The following AIM2 variants were observed in gnomAD, a reference collection of about 807,000 sequenced individuals.
AIM2 encodes interferon-inducible protein AIM2.
AIM2 carries 30 observed loss-of-function variants against 27.7 expected under a neutral mutation model. The observed-to-expected ratio is 1.08, with a 90% confidence interval of 0.81 to 1.47. The LOEUF (loss-of-function observed/expected upper bound fraction) is 1.47. Among genes scored for constraint, AIM2 ranks in the 40% most tolerant of loss-of-function variants. The pLI, the probability that AIM2 is intolerant of heterozygous loss-of-function variation, is 0.00. For missense variants in AIM2, 358 were observed against 411.3 expected, an observed-to-expected ratio of 0.87 and a Z score of 1.12; for synonymous variants, 141 against 145.3, an observed-to-expected ratio of 0.97 and a Z score of 0.21.
intron 1 of AIM2, among the ~76,000 whole-genome samples, chr1:159,102,407 G>A (rs1451999783): frequency 6.6e-6 from 1 of 152,236 alleles, no homozygotes; most frequent in Non-Finnish European, 1.5e-5. Context: ...TATGAGATAG[G>A]AGCCCCCACA....
At chr1:159,120,758 T>C (rs1421550607) in intron 1 of AIM2, among the ~76,000 whole-genome samples, 1 of 152,174 alleles carries the variant, frequency 6.6e-6, no homozygotes, top group African/African-American at 2.4e-5. Flanking sequence ...AGGCTGGTTA[T>C]GGACATCCAG....
chr1:159,073,749 A>G (rs1257461483), intron 1 of AIM2, among the ~76,000 whole-genome samples: 1 of 152,132 alleles, frequency 6.6e-6, no homozygotes, highest in Non-Finnish European at 1.5e-5. Context: ...AAAACAAGAT[A>G]CATTAGCTGG....
chr1:159,073,551 C>G (rs1656464185), intron 1 of AIM2, 32 bp from the exon 2 acceptor site: 1 of 1,549,534 alleles, frequency 6.5e-7, no homozygotes, highest in Non-Finnish European at 8.8e-7. Context: ...TAAGATTACA[C>G]CACCAAAAGT....
intron 1 of AIM2, chr1:159,132,471 C>T (rs115251250): frequency 0.012 from 1,759 of 152,260 alleles, 20 homozygotes; most frequent in Non-Finnish European, 0.018. Context: ...TTGTGCAAGC[C>T]TCCCAGCAGG....
chr1:159,110,284 T>G (rs1657537661), intron 1 of AIM2, among the ~76,000 whole-genome samples: 1 of 152,228 alleles, frequency 6.6e-6, no homozygotes, highest in Non-Finnish European at 1.5e-5. Context: ...GAGACTATTA[T>G]TCTAAGTGAA....
chr1:159,145,587 G>A (rs1180846816), intron 1 of AIM2, among the ~76,000 whole-genome samples: 3 of 152,146 alleles, frequency 2.0e-5, no homozygotes, highest in African/African-American at 7.2e-5. Context: ...GTCTAGCCCA[G>A]TCAAACTGAG....
chr1:159,062,031 T>A (rs1430122994), downstream of AIM2, among the ~76,000 whole-genome samples: 3 of 152,320 alleles, frequency 2.0e-5, no homozygotes, highest in African/African-American at 4.8e-5. Context: ...TTCATTTTTT[T>A]AAGTATGGAT....
chr1:159,090,940 T>C (rs1022856846), intron 1 of AIM2, among the ~76,000 whole-genome samples: 1 of 152,188 alleles, frequency 6.6e-6, no homozygotes, highest in African/African-American at 2.4e-5. Flanking sequence ...CTCCCTTGTG[T>C]TCAGCACCAT....
chr1:159,121,444 T>C (rs1647531596), intron 1 of AIM2, among the ~76,000 whole-genome samples: 1 of 152,304 alleles, frequency 6.6e-6, no homozygotes, highest in East Asian at 1.9e-4. Flanking sequence ...AATTATAAGA[T>C]CTCAGAGACC....
At chr1:159,127,102 T>C (rs1182785133) in intron 1 of AIM2, among the ~76,000 whole-genome samples, 1 of 152,208 alleles carries the variant, frequency 6.6e-6, no homozygotes, top group African/African-American at 2.4e-5. Context: ...GGATGATTGG[T>C]TACCTACCCC....
chr1:159,056,837 C>T, the AIM2 span, among the ~76,000 whole-genome samples: 4 of 151,366 alleles, frequency 2.6e-5, no homozygotes, highest in African/African-American at 4.9e-5. Context: ...AAACTCTTCC[C>T]AGTTTGGAGG....
chr1:159,131,953 C>T (rs574846175), intron 1 of AIM2, among the ~76,000 whole-genome samples: 4 of 152,164 alleles, frequency 2.6e-5, no homozygotes, highest in Admixed American at 1.3e-4. Flanking sequence ...CGGGAAAGAA[C>T]GTATTTTAAT....
chr1:159,058,765 A>T (rs1050537998), downstream of AIM2, among the ~76,000 whole-genome samples: 1 of 152,152 alleles, frequency 6.6e-6, no homozygotes, highest in Non-Finnish European at 1.5e-5. Context: ...GGTCCTTATC[A>T]CATGGCCATG....
intron 1 of AIM2, among the ~76,000 whole-genome samples, chr1:159,131,448 G>A (rs1246669939): frequency 6.6e-6 from 1 of 152,092 alleles, no homozygotes; most frequent in Non-Finnish European, 1.5e-5. Flanking sequence ...ATTTATCTCT[G>A]AACTTTGTCA....
At chr1:159,065,853 C>A (rs1656065809) in intron 4 of AIM2, 57 bp downstream of exon 4, 1 of 1,494,404 alleles carries the variant, frequency 6.7e-7, no homozygotes, top group South Asian at 1.4e-5. Context: ...TCTTTAAGAT[C>A]AGATGGGAAA....
At chr1:159,112,068 G>C (rs1265467904) in intron 1 of AIM2, among the ~76,000 whole-genome samples, 1 of 151,808 alleles carries the variant, frequency 6.6e-6, no homozygotes, top group African/African-American at 2.4e-5. Flanking sequence ...TAAAAAACAA[G>C]ATGGTAACAC....
upstream of AIM2, chr1:159,081,451 T>G: frequency 2.1e-6 from 1 of 478,116 alleles, no homozygotes; most frequent in Admixed American, 2.3e-5. Flanking sequence ...CTGTAGGACC[T>G]CAGTCGTCAC....
intron 4 of AIM2, among the ~76,000 whole-genome samples, chr1:159,064,360 T>C (rs906496482): frequency 2.0e-5 from 3 of 152,178 alleles, no homozygotes; most frequent in Admixed American, 6.5e-5. Flanking sequence ...GGGTGGCCCA[T>C]AGAAGCAACA....
At chr1:159,111,297 G>T (rs1372980183) in intron 1 of AIM2, among the ~76,000 whole-genome samples, 3 of 152,176 alleles carry the variant, frequency 2.0e-5, no homozygotes, top group Admixed American at 1.3e-4. Flanking sequence ...GTTCAAGAAG[G>T]CTAAAATAAC....
Sources: allele counts gnomAD v4.1 joint callset (sites outside exome capture counted in the v4.1 genomes callset), GRCh38; gene constraint gnomAD v4.1.1; transcripts MANE v1.5; gene names NCBI Gene and HGNC (gene_info 2026-07-23, HGNC 2026-07-21).